RARB: variants seen among roughly 807,000 people sequenced by gnomAD.
RARB encodes the protein HBV-activated protein.
Under a neutral mutation model 51.9 loss-of-function variants are expected in RARB, and 17 were observed. The ratio of observed to expected loss-of-function variants is 0.33; its 90% confidence interval spans 0.22 to 0.49. RARB has a LOEUF of 0.49. Ranked by LOEUF, RARB falls within the 20% of genes least tolerant of loss-of-function variation. The pLI, the probability that RARB is intolerant of heterozygous loss-of-function variation, is 0.99. For missense variants in RARB, 369 were observed against 550.8 expected (o/e 0.67, Z 3.30); for synonymous variants, 215 against 195.4 (o/e 1.10, Z -0.84).
At chr3:25,147,792 A>G (rs541268712) in intron 4 of RARB, among the ~76,000 whole-genome samples, 62 of 152,376 alleles carry the variant, frequency 4.1e-4, no homozygotes, top group Admixed American at 1.0e-3. Context: ...GACATGTGAC[A>G]TGGTTCTAGC....
intron 3 of RARB, among the ~76,000 whole-genome samples, chr3:25,547,478 A>T (rs752503186): frequency 6.6e-6 from 1 of 152,202 alleles, no homozygotes; most frequent in Non-Finnish European, 1.5e-5. Flanking sequence ...ATTTCATAAA[A>T]TGAATAGTCC....
intron 5 of RARB, among the ~76,000 whole-genome samples, chr3:25,219,337 A>T (rs576461412): frequency 6.6e-6 from 1 of 152,032 alleles, no homozygotes; most frequent in South Asian, 2.1e-4. Context: ...CCCTATTCTC[A>T]TTTTCTGGCT....
At chr3:25,193,960 A>G (rs1169494771) in intron 5 of RARB, among the ~76,000 whole-genome samples, 2 of 151,974 alleles carry the variant, frequency 1.3e-5, no homozygotes, top group East Asian at 1.9e-4. Context: ...AAACATTTGT[A>G]TTTTAATATT....
At chr3:24,981,155 G>A (rs1002834568) in intron 2 of RARB, among the ~76,000 whole-genome samples, 24 of 152,172 alleles carry the variant, frequency 1.6e-4, no homozygotes, top group African/African-American at 5.8e-4. Context: ...GTCCCAGAGA[G>A]GGACCCATCT....
At chr3:25,072,698 T>C (rs1698791791) in intron 3 of RARB, among the ~76,000 whole-genome samples, 1 of 151,142 alleles carries the variant, frequency 6.6e-6, no homozygotes, top group Admixed American at 6.6e-5. Flanking sequence ...CAAGGAGGGT[T>C]TCTTTAATTT....
intron 5 of RARB, among the ~76,000 whole-genome samples, chr3:25,200,258 C>T (rs1427887633): frequency 2.0e-5 from 3 of 150,230 alleles, no homozygotes; most frequent in Non-Finnish European, 4.4e-5. Flanking sequence ...TGAGAACTGT[C>T]TGTTCATATC....
chr3:24,981,048 T>C (rs1489001608), intron 2 of RARB, among the ~76,000 whole-genome samples: 1 of 152,216 alleles, frequency 6.6e-6, no homozygotes, highest in East Asian at 1.9e-4. Flanking sequence ...TGCTGGAGTT[T>C]GCTAGAGGCC....
chr3:25,005,126 C>T (rs1697244130), intron 2 of RARB, among the ~76,000 whole-genome samples: 1 of 152,134 alleles, frequency 6.6e-6, no homozygotes, highest in African/African-American at 2.4e-5. Context: ...TAGTATCCAA[C>T]CACTTCTCAC....
Position 25,204,770 on chromosome 3 carries a change from G to A in RARB, c.178+30195G>A, listed in dbSNP as rs919414357. The stretch of plus-strand genomic sequence containing the variant: ...TGGCAAACAGCAAATGTTGCTGCCT[G>A]AATGTTCCTCTGGAAGTTTTGTCTC... On this transcript the variant is annotated intron_variant, in intron 5 of 11. Transcript: ENST00000383772. Among the ~76,000 whole-genome samples the A allele has an allele frequency of 3.9e-5, 6 of 152,310 alleles. No homozygotes were observed. The South Asian group carries it at 1.2e-3, about 32-fold the overall frequency.
At chr3:25,588,823 A>C (rs921472495) in intron 5 of RARB, among the ~76,000 whole-genome samples, 1 of 152,162 alleles carries the variant, frequency 6.6e-6, no homozygotes, top group African/African-American at 2.4e-5. Flanking sequence ...GTCCTCTTGA[A>C]ATGTCAGCTA....
At chr3:25,393,886 T>C (rs773965659) in intron 5 of RARB, among the ~76,000 whole-genome samples, 8 of 152,112 alleles carry the variant, frequency 5.3e-5, no homozygotes, top group Non-Finnish European at 1.2e-4. Context: ...CTATCTTTTG[T>C]ATTTTTTTGT....
chr3:24,848,034 C>T (rs1368985376), intron 1 of RARB, among the ~76,000 whole-genome samples: 1 of 152,166 alleles, frequency 6.6e-6, no homozygotes, highest in East Asian at 1.9e-4. Flanking sequence ...CAATACATCT[C>T]CACTCCTCTG....
chr3:25,312,050 T>TG (rs1559353361), intron 5 of RARB, among the ~76,000 whole-genome samples: 1 of 152,190 alleles, frequency 6.6e-6, no homozygotes, highest in South Asian at 2.1e-4. Context: ...ATGGGTTCTT[T>TG]GGGGGAGATG....
At chr3:25,057,380 A>C (rs1698461626) in intron 2 of RARB, among the ~76,000 whole-genome samples, 1 of 152,088 alleles carries the variant, frequency 6.6e-6, no homozygotes, top group Admixed American at 6.6e-5. Context: ...GGGTTTCACT[A>C]TTCTGGCCGT....
At chr3:25,187,392 A>C (rs924898322) in intron 5 of RARB, among the ~76,000 whole-genome samples, 3 of 152,122 alleles carry the variant, frequency 2.0e-5, no homozygotes, top group African/African-American at 7.2e-5. Context: ...GATAAAGAAC[A>C]CATGAGTAGA....
chr3:25,310,257 T>G (rs994451376), intron 5 of RARB, among the ~76,000 whole-genome samples: 4 of 152,220 alleles, frequency 2.6e-5, no homozygotes, highest in Non-Finnish European at 5.9e-5. Context: ...TAACTCATAA[T>G]GGATATGGAG....
At chr3:24,978,706 C>T (rs1441587160) in intron 2 of RARB, among the ~76,000 whole-genome samples, 5 of 151,364 alleles carry the variant, frequency 3.3e-5, no homozygotes, top group Admixed American at 3.3e-4. Flanking sequence ...AAACCAGCTC[C>T]TGGATTGATT....
At chr3:25,222,994 A>G (rs1344895752) in intron 5 of RARB, among the ~76,000 whole-genome samples, 1 of 152,242 alleles carries the variant, frequency 6.6e-6, no homozygotes, top group Non-Finnish European at 1.5e-5. Flanking sequence ...TTAAGAAGGT[A>G]GATAGAAATA....
At chr3:25,016,206 A>G (rs1697504483) in intron 2 of RARB, among the ~76,000 whole-genome samples, 2 of 152,200 alleles carry the variant, frequency 1.3e-5, no homozygotes, top group African/African-American at 2.4e-5. Context: ...GTACTTATAA[A>G]TTTCAATACA....
Sources: gnomAD v4.1 joint callset for allele counts (sites outside exome capture counted in the v4.1 genomes callset) on GRCh38, gnomAD v4.1.1 for gene constraint, MANE v1.5 for transcripts, NCBI Gene and HGNC (gene_info 2026-07-23, HGNC 2026-07-21) for gene names.